The following TBC1D8 variants were observed in gnomAD, a reference collection of about 807,000 sequenced individuals.
TBC1D8 encodes the protein TBC1 domain family member 8.
TBC1D8 carries 65 observed loss-of-function variants against 118.8 expected under a neutral mutation model. The ratio of observed to expected loss-of-function variants is 0.55; its 90% CI spans 0.45 to 0.67. The LOEUF is 0.67. Ranked by LOEUF, TBC1D8 falls within the 30% of genes least tolerant of loss-of-function variation. TBC1D8 has a pLI of 0.00. For missense variants in TBC1D8, 1,376 were observed against 1,471.2 expected, an observed-to-expected ratio of 0.94 and a Z score of 1.06; for synonymous variants, 566 against 595.8, an observed-to-expected ratio of 0.95 and a Z score of 0.73.
At chr2:101,036,841 C>T (rs898038382) in intron 8 of TBC1D8, among the ~76,000 whole-genome samples, 1 of 152,222 alleles carries the variant, frequency 6.6e-6, no homozygotes, top group Non-Finnish European at 1.5e-5. Flanking sequence ...CATTCTCATA[C>T]ATTTTGTCAA....
At chr2:101,014,704 A>G (rs1243175151) in intron 17 of TBC1D8, among the ~76,000 whole-genome samples, 1 of 152,186 alleles carries the variant, frequency 6.6e-6, no homozygotes, top group Non-Finnish European at 1.5e-5. Flanking sequence ...GTTCCAGCAG[A>G]TATCTTGACA....
At chr2:101,011,593 C>G in intron 17 of TBC1D8, 53 bp from the exon 18 acceptor site, 1 of 1,588,544 alleles carries the variant, frequency 6.3e-7, no homozygotes, top group Non-Finnish European at 8.6e-7. Flanking sequence ...CTTACCAAAA[C>G]TGACAGTAAT....
At chr2:101,035,459 G>A (rs941481093) in intron 9 of TBC1D8, among the ~76,000 whole-genome samples, 1 of 152,174 alleles carries the variant, frequency 6.6e-6, no homozygotes, top group African/African-American at 2.4e-5. Flanking sequence ...AATGGGTGCA[G>A]TGAGAGGCCC....
At chr2:101,078,290 G>A (rs1238958146) in intron 2 of TBC1D8, among the ~76,000 whole-genome samples, 2 of 152,130 alleles carry the variant, frequency 1.3e-5, no homozygotes, top group Non-Finnish European at 2.9e-5. Context: ...TGAACACATT[G>A]GACAGTCACA....
intron 7 of TBC1D8, among the ~76,000 whole-genome samples, chr2:101,038,193 C>T (rs979867102): frequency 7.9e-5 from 12 of 152,188 alleles, no homozygotes; most frequent in Admixed American, 6.5e-4. Flanking sequence ...GCAGGTTACA[C>T]GTGCCTCCAA....
chr2:101,057,620 G>T (rs181787080), intron 3 of TBC1D8, among the ~76,000 whole-genome samples: 1 of 152,198 alleles, frequency 6.6e-6, no homozygotes, highest in South Asian at 2.1e-4. Context: ...GAGCCCAGGA[G>T]TTCGATCAGC....
At chr2:101,127,381 GC>G (rs146933176) in intron 1 of TBC1D8, among the ~76,000 whole-genome samples, 17,695 of 151,490 alleles carry the variant, frequency 0.12, 1,265 homozygotes, top group South Asian at 0.21. Context: ...GTCCCATATG[GC>G]CCTAAAGATC....
chr2:101,007,577 T>G lies in TBC1D8; in HGVS notation c.*244A>C. On this transcript the variant is annotated 3_prime_UTR_variant, in exon 20 of 20. Coordinates refer to ENST00000409318, the MANE Select transcript of TBC1D8 (RefSeq NM_001330348.2). ...CAGCAGAAGTGCCCATTTCAGCAAA[T>G]CCGGTAAAAATTGTAAGTTGGCATC... The G allele has an allele frequency of 2.0e-6, 1 of 498,322 alleles. No homozygotes were observed. 30.9% of individuals were successfully genotyped at this position (498,322 alleles called of 1,614,324 possible). A position where few individuals can be genotyped will look rare whatever the true frequency, so the allele number is the denominator to read the frequency against.
At chr2:101,024,664 C>T (rs1188684545) in intron 15 of TBC1D8, among the ~76,000 whole-genome samples, 2 of 152,240 alleles carry the variant, frequency 1.3e-5, no homozygotes, top group African/African-American at 4.8e-5. Context: ...GCACTGGCCT[C>T]CCACAGTGCT....
chr2:101,080,218 G>A (rs749150745), intron 2 of TBC1D8, among the ~76,000 whole-genome samples: 37 of 152,168 alleles, frequency 2.4e-4, no homozygotes, highest in African/African-American at 6.3e-4. Flanking sequence ...AACGTGAACC[G>A]CAGCACCCCG....
At chr2:101,056,448 C>T (rs1010476796) in intron 3 of TBC1D8, among the ~76,000 whole-genome samples, 9 of 152,138 alleles carry the variant, frequency 5.9e-5, no homozygotes, top group East Asian at 1.9e-4. Context: ...ATGATCCACC[C>T]GCCTCCCAAA....
Position 101,050,532 on chromosome 2 carries a change from G to A in TBC1D8, c.741C>T (p.Ser247=). 1 of 1,613,976 alleles carries A rather than the reference G, an allele frequency of 6.2e-7. No individual in the cohort carries two copies. The change falls in exon 5 of 20, where the codon TCC becomes TCT. Residue 247 remains serine (S), a synonymous_variant. Coordinates refer to ENST00000409318, the MANE Select transcript of TBC1D8 (RefSeq NM_001330348.2). ...ITTQNKERDF[S]MFLNLDEVFK... ...ACACCTCATCCAGGTTCAGGAACAT[G>A]GAGAAGTCACGCTCCTTATTCTGCG...
At chr2:101,020,547 T>C (rs17663443) in intron 17 of TBC1D8, among the ~76,000 whole-genome samples, 15,964 of 152,214 alleles carry the variant, frequency 0.1, 962 homozygotes, top group Non-Finnish European at 0.13. Context: ...ACTCAAGTCA[T>C]AATAGTGCAT....
chr2:101,013,833 T>C (rs1284987779), intron 17 of TBC1D8, among the ~76,000 whole-genome samples: 1 of 152,112 alleles, frequency 6.6e-6, no homozygotes, highest in Non-Finnish European at 1.5e-5. Flanking sequence ...GACATTACAG[T>C]AATCATCAAA....
At chr2:101,034,258 T>C (rs1053931727) in intron 9 of TBC1D8, among the ~76,000 whole-genome samples, 12 of 152,206 alleles carry the variant, frequency 7.9e-5, no homozygotes, top group African/African-American at 2.9e-4. Context: ...AAACTCATAA[T>C]AGAAATAACT....
intron 1 of TBC1D8, among the ~76,000 whole-genome samples, chr2:101,114,447 G>A (rs929819020): frequency 2.0e-5 from 3 of 152,102 alleles, no homozygotes; most frequent in Non-Finnish European, 4.4e-5. Flanking sequence ...TAAATTCAAA[G>A]AACCCAGTTG....
intron 5 of TBC1D8, among the ~76,000 whole-genome samples, chr2:101,048,920 T>C (rs961375944): frequency 6.6e-6 from 1 of 152,234 alleles, no homozygotes; most frequent in Non-Finnish European, 1.5e-5. Flanking sequence ...TTCATCCATG[T>C]GGTAGCATGG....
chr2:101,034,160 A>G (rs576213585), intron 9 of TBC1D8, among the ~76,000 whole-genome samples: 52 of 152,296 alleles, frequency 3.4e-4, no homozygotes, highest in African/African-American at 1.2e-3. Context: ...TAAGGACTTC[A>G]TTTCTGCCAT....
At chr2:101,013,941 C>T (rs999413820) in intron 17 of TBC1D8, among the ~76,000 whole-genome samples, 1 of 152,204 alleles carries the variant, frequency 6.6e-6, no homozygotes, top group Admixed American at 6.5e-5. Context: ...ATTATAGCAG[C>T]GAGGCCCTGC....
Sources: gnomAD v4.1 joint callset for allele counts (sites outside exome capture counted in the v4.1 genomes callset) on GRCh38, gnomAD v4.1.1 for gene constraint, MANE v1.5 for transcripts, NCBI Gene and HGNC (gene_info 2026-07-23, HGNC 2026-07-21) for gene names.